The following MRTFB variants were observed in gnomAD, a reference collection of about 807,000 sequenced individuals.
MRTFB encodes the protein myocardin related transcription factor B.
In MRTFB, 29 loss-of-function variants were observed where a neutral mutation model predicts 104.2. The observed-to-expected ratio is 0.28, with a 90% CI of 0.21 to 0.38. The LOEUF is 0.38. Ranked by LOEUF, MRTFB falls within the 10% of genes least tolerant of loss-of-function variation. The pLI is 1.00. For synonymous variants in MRTFB, 535 were observed against 519.5 expected (o/e 1.03, Z -0.41); for missense variants, 1,270 against 1,341.6 (o/e 0.95, Z 0.83).
chr16:14,225,811 G>A (rs1299966827), intron 8 of MRTFB, among the ~76,000 whole-genome samples: 1 of 152,134 alleles, frequency 6.6e-6, no homozygotes. Flanking sequence ...TATATAGCAA[G>A]CTTTTAGGAT....
chr16:14,004,257 C>T, the MRTFB span, among the ~76,000 whole-genome samples: 1 of 152,304 alleles, frequency 6.6e-6, no homozygotes, highest in South Asian at 2.1e-4. Flanking sequence ...TGTCACTTTT[C>T]CCTTGGTTCC....
chr16:14,210,251 C>G lies in MRTFB; in HGVS notation c.163C>G (p.Leu55Val). 3 of 1,613,060 alleles carry G rather than the reference C, an allele frequency of 1.9e-6. No individual in the cohort carries two copies. The highest frequency in any genetic ancestry group is 2.5e-6 in the Non-Finnish European group (3 of 1,179,422). ...TTATTTCCTTTTCACAGTGCTCCAG[C>G]TGAGGCTGCAACAAAGGAGGACGAG... The part of the protein sequence containing the change: ...PLNERKNVLQ[L>V]RLQQRRTREQ... Residue 55 changes from leucine to valine, a missense_variant, in exon 4 of 17, where the codon CTG (leucine) becomes GTG (valine). Coordinates refer to ENST00000571589, the MANE Select transcript of MRTFB (RefSeq NM_001308142.2).
At chr16:14,109,869 A>G (rs537305134) in intron 2 of MRTFB, among the ~76,000 whole-genome samples, 2 of 152,340 alleles carry the variant, frequency 1.3e-5, no homozygotes, top group South Asian at 4.1e-4. Context: ...CAGTATAAAG[A>G]ATATCAAATA....
the MRTFB span, among the ~76,000 whole-genome samples, chr16:13,999,840 G>A: frequency 1.3e-5 from 2 of 152,164 alleles, no homozygotes; most frequent in African/African-American, 4.8e-5. Context: ...GGGTTTCCTT[G>A]CTGCATAAAG....
chr16:14,211,453 G>GT (rs2151172079), intron 4 of MRTFB, among the ~76,000 whole-genome samples: 1 of 152,256 alleles, frequency 6.6e-6, no homozygotes, highest in South Asian at 2.1e-4. Flanking sequence ...AAATAATGCT[G>GT]TAAGAGCTGA....
At chr16:14,207,537 G>C (rs2041004474) in intron 3 of MRTFB, among the ~76,000 whole-genome samples, 1 of 152,154 alleles carries the variant, frequency 6.6e-6, no homozygotes, top group Admixed American at 6.5e-5. Context: ...AAGATCCTTG[G>C]ACTCTCTGGA....
rs566290673 is a variant in MRTFB at position 14,111,381 on chromosome 16, C to T, written c.-63-29163C>T. On this transcript the variant is annotated intron_variant, in intron 2 of 16. Coordinates refer to ENST00000571589, the MANE Select transcript of MRTFB (RefSeq NM_001308142.2). ...CCCTTAATAAAATAGAAGCCAAGCT[C>T]ATCTGCTCAGTGATGAGGGGGTGGT... Among the ~76,000 whole-genome samples the T allele has an allele frequency of 2.6e-5, 4 of 150,986 alleles. No individual in the cohort carries two copies. In the East Asian group the frequency reaches 6.4e-4, roughly 24 times the overall value.
chr16:14,205,981 T>C (rs1380359764), intron 3 of MRTFB, among the ~76,000 whole-genome samples: 2 of 152,184 alleles, frequency 1.3e-5, no homozygotes, highest in Non-Finnish European at 2.9e-5. Context: ...CAGCTACAGA[T>C]ATGAAATCTT....
At chr16:14,048,446 A>C in the MRTFB span, among the ~76,000 whole-genome samples, 3 of 152,196 alleles carry the variant, frequency 2.0e-5, no homozygotes, top group Admixed American at 6.5e-5. Context: ...TCACAGTGCT[A>C]AGACCCTCAC....
At chr16:14,131,927 A>T (rs1462636085) in intron 2 of MRTFB, among the ~76,000 whole-genome samples, 3 of 152,204 alleles carry the variant, frequency 2.0e-5, no homozygotes, top group African/African-American at 4.8e-5. Context: ...TTCCACTCTT[A>T]TGTGTATACC....
At chr16:14,238,331 G>C (rs545783290) in intron 9 of MRTFB, among the ~76,000 whole-genome samples, 15 of 152,274 alleles carry the variant, frequency 9.9e-5, no homozygotes, top group African/African-American at 3.6e-4. Context: ...ATGACAAAGG[G>C]GGGGACTGTG....
chr16:14,222,488 C>T (rs1186324458), intron 8 of MRTFB, among the ~76,000 whole-genome samples: 3 of 151,796 alleles, frequency 2.0e-5, no homozygotes, highest in Admixed American at 2.0e-4. Context: ...TGGCCCAAAA[C>T]AATTCTTCTT....
chr16:14,240,909 C>T (rs1331114095), intron 10 of MRTFB: 11 of 610,626 alleles, frequency 1.8e-5, no homozygotes, highest in East Asian at 1.6e-4. Flanking sequence ...ATAGAAGGCT[C>T]GAGAAGGGCC....
At chr16:14,071,567 C>G (rs1443856872) in intron 1 of MRTFB, among the ~76,000 whole-genome samples, 1 of 150,822 alleles carries the variant, frequency 6.6e-6, no homozygotes, top group Non-Finnish European at 1.5e-5. Flanking sequence ...GGCCGCGGGC[C>G]GGTGCCTCCT....
At chr16:14,024,028 G>A in the MRTFB span, among the ~76,000 whole-genome samples, 4 of 151,840 alleles carry the variant, frequency 2.6e-5, no homozygotes, top group African/African-American at 9.7e-5. Flanking sequence ...TCCAGCCTGG[G>A]CATCAGGGTG....
chr16:14,240,142 A>G, intron 9 of MRTFB, 95 bp from the exon 10 acceptor site: 1 of 1,422,726 alleles, frequency 7.0e-7, no homozygotes, highest in Non-Finnish European at 9.3e-7. Flanking sequence ...TCTAAGGTAC[A>G]TTTCTTTTTA....
chr16:14,019,860 C>T, the MRTFB span, among the ~76,000 whole-genome samples: 1 of 152,082 alleles, frequency 6.6e-6, no homozygotes, highest in Admixed American at 6.6e-5. Flanking sequence ...CCAATGCTGC[C>T]CAACACAGAG....
rs117023733 is a variant in MRTFB, at chr16:14,080,742, T to C, written c.-64+1388T>C. The stretch of plus-strand genomic sequence containing the variant: ...AACTTCTTCAGATTCCTTATATGAG[T>C]AAGAACATGTAGTATTTGTCTTTCT... On this transcript the variant is annotated intron_variant, in intron 2 of 16. Coordinates refer to ENST00000571589, the MANE Select transcript of MRTFB (RefSeq NM_001308142.2). 2.6e-5 allele frequency among the ~76,000 whole-genome samples: 4 copies of C among 152,318 alleles called. No individual in the cohort carries two copies. In the East Asian group the frequency reaches 5.8e-4, roughly 22 times the overall value.
At chr16:14,249,749 G>A (rs867551508) in intron 13 of MRTFB, among the ~76,000 whole-genome samples, 2 of 152,232 alleles carry the variant, frequency 1.3e-5, no homozygotes. Context: ...CTCCTTGCCA[G>A]AAAAATCTTA....
Sources: gnomAD v4.1 joint callset for allele counts (sites outside exome capture counted in the v4.1 genomes callset) on GRCh38, gnomAD v4.1.1 for gene constraint, MANE v1.5 for transcripts, NCBI Gene and HGNC (gene_info 2026-07-23, HGNC 2026-07-21) for gene names.